DBT: variants seen among roughly 807,000 people sequenced by gnomAD.
DBT encodes the protein dihydrolipoamide branched chain transacylase E2.
A neutral mutation model predicts 51.3 loss-of-function variants in DBT; 40 were observed. That is an observed-to-expected ratio of 0.78 (90% CI 0.61 to 1.02). The LOEUF (loss-of-function observed/expected upper bound fraction) is 1.02. Among genes scored for constraint, DBT ranks in the 50% least tolerant of loss-of-function variants. The pLI, the probability that DBT is intolerant of heterozygous loss-of-function variation, is 0.00. For missense variants in DBT, 510 were observed against 580.2 expected, an observed-to-expected ratio of 0.88 and a Z score of 1.24; for synonymous variants, 181 against 190.4, an observed-to-expected ratio of 0.95 and a Z score of 0.41.
At chr1:100,232,819 T>C (rs557009378) in intron 3 of DBT, among the ~76,000 whole-genome samples, 73 of 152,234 alleles carry the variant, frequency 4.8e-4, no homozygotes, top group Non-Finnish European at 7.6e-4. Flanking sequence ...ATGACAGAAA[T>C]AGCAAAAGGA....
At chr1:100,226,814 C>T (rs1490688608) in intron 4 of DBT, among the ~76,000 whole-genome samples, 1 of 152,144 alleles carries the variant, frequency 6.6e-6, no homozygotes, top group African/African-American at 2.4e-5. Context: ...TAATAGAACA[C>T]ATAGGAGCCA....
intron 10 of DBT, among the ~76,000 whole-genome samples, chr1:100,201,025 G>A (rs776843474): frequency 2.9e-4 from 44 of 152,122 alleles, no homozygotes; most frequent in Non-Finnish European, 4.4e-5. Context: ...ACAACTCCTC[G>A]CCAGCAAGGG....
rs1014236603 is a variant in DBT, at chr1:100,191,364, C to T, written c.*4891G>A. 42 of 152,140 alleles carry T rather than the reference C, an allele frequency of 2.8e-4. No homozygotes were observed. Among genetic ancestry groups the T allele is most frequent in the African/African-American group, 1.0e-3 (42 of 41,440 alleles). 9.4% of individuals were successfully genotyped at this position (152,140 alleles called of 1,614,324 possible). On this transcript the variant is annotated 3_prime_UTR_variant, in exon 11 of 11. Transcript: ENST00000370132. The stretch of plus-strand genomic sequence containing the variant: ...TATAAAATCTTGGAATTGTAACAAA[C>T]AGCTTCACAGTTTAATAGTATCTTA...
chr1:100,247,475 G>C (rs902400364), intron 1 of DBT, among the ~76,000 whole-genome samples: 1 of 152,124 alleles, frequency 6.6e-6, no homozygotes, highest in African/African-American at 2.4e-5. Context: ...AAGGCAGGAG[G>C]ATCACCTGAG....
intron 9 of DBT, 69 bp from the exon 10 acceptor site, chr1:100,206,370 ACTTTT>A: frequency 6.4e-7 from 1 of 1,562,348 alleles, no homozygotes; most frequent in Non-Finnish European, 8.8e-7. Context: ...ATGCCAAGTG[ACTTTT>A]CTATTTTTAA....
intron 4 of DBT, among the ~76,000 whole-genome samples, chr1:100,229,645 T>C (rs1663423761): frequency 6.6e-6 from 1 of 152,254 alleles, no homozygotes; most frequent in Non-Finnish European, 1.5e-5. Context: ...TGTAATTCAA[T>C]TAGACTTCTG....
At chr1:100,206,009 T>C (rs1168478920) in intron 10 of DBT, among the ~76,000 whole-genome samples, 1 of 148,962 alleles carries the variant, frequency 6.7e-6, no homozygotes, top group East Asian at 2.0e-4. Context: ...CAAACCACCA[T>C]GGCAGGTGTA....
chr1:100,211,461 T>C (rs957181241), intron 7 of DBT, among the ~76,000 whole-genome samples: 1 of 152,230 alleles, frequency 6.6e-6, no homozygotes, highest in Admixed American at 6.5e-5. Context: ...GTGGTGGCCA[T>C]GCATTGTATT....
At chr1:100,197,195 C>T (rs531014670) in intron 10 of DBT, 1 of 152,520 alleles carries the variant, frequency 6.6e-6, no homozygotes, top group Non-Finnish European at 1.5e-5. Context: ...AAGCTCTACT[C>T]TCTTTTTCTA....
rs2101813867 is a variant in DBT at position 100,189,714 on chromosome 1, A to T, written c.*6541T>A. 6.6e-6 allele frequency: 1 copy of T among 152,340 alleles called. No individual in the cohort carries two copies. The highest frequency in any genetic ancestry group is 2.4e-5 in the African/African-American group (1 of 41,586). The allele number at this position is 152,340 out of a possible 1,614,324, so 9.4% of individuals were successfully genotyped here. A position where few individuals can be genotyped will look rare whatever the true frequency, so the allele number is the denominator to read the frequency against. Reference sequence around the variant, plus strand: ...TATTCATTTAGTGGCAGTCAGAGGTAACAATATAAGAAAAGCATTCTGAGT... The same window carrying T: ...TATTCATTTAGTGGCAGTCAGAGGTTACAATATAAGAAAAGCATTCTGAGT... On this transcript the variant is annotated 3_prime_UTR_variant, in exon 11 of 11. Transcript: ENST00000370132.
chr1:100,217,898 T>C (rs1487879028), intron 5 of DBT, among the ~76,000 whole-genome samples: 1 of 151,714 alleles, frequency 6.6e-6, no homozygotes, highest in Non-Finnish European at 1.5e-5. Flanking sequence ...TGATATAGAC[T>C]CACTTTTGAA....
Position 100,241,017 on chromosome 1 carries a change from T to A in DBT, c.52-133A>T, listed in dbSNP as rs1419481097. 47 of 940,894 alleles carry A rather than the reference T, an allele frequency of 5.0e-5. No homozygotes were observed. In the East Asian group the frequency reaches 1.2e-3, roughly 23 times the overall value. 58.3% of individuals were successfully genotyped at this position (940,894 alleles called of 1,614,324 possible). A position where few individuals can be genotyped will look rare whatever the true frequency, so the allele number is the denominator to read the frequency against. On this transcript the variant is annotated intron_variant, in intron 1 of 10. Coordinates refer to ENST00000370132, the MANE Select transcript of DBT (RefSeq NM_001918.5). ...CAATAGAAATATTATATCCTTAGAT[T>A]TAGATTTGTTACATTTATGATCCTT... is the stretch of plus-strand genomic sequence containing the variant.
In DBT at chr1:100,190,379, T is replaced by G. The variant is rs1292701645; in HGVS notation, c.*5876A>C. 2.0e-5 allele frequency: 3 copies of G among 152,222 alleles called. No homozygotes were observed. Among genetic ancestry groups the G allele is most frequent in the African/African-American group, 2.4e-5 (1 of 41,448 alleles). 9.4% of individuals were successfully genotyped at this position (152,222 alleles called of 1,614,324 possible). ...TACTTCAACCCATATACCCATATTC[T>G]AATAGTTACAAATAAATGACATGGC... On this transcript the variant is annotated 3_prime_UTR_variant, in exon 11 of 11. Transcript: ENST00000370132.
At chr1:100,236,549 C>G (rs1663880369) in intron 2 of DBT, among the ~76,000 whole-genome samples, 1 of 152,058 alleles carries the variant, frequency 6.6e-6, no homozygotes, top group Non-Finnish European at 1.5e-5. Flanking sequence ...GTATTAGGTA[C>G]CTCTTACTTC....
intron 10 of DBT, among the ~76,000 whole-genome samples, chr1:100,203,719 C>T (rs1484138043): frequency 6.6e-6 from 1 of 152,172 alleles, no homozygotes; most frequent in Admixed American, 6.5e-5. Flanking sequence ...ACTGGCAAAC[C>T]GAATCCAGCA....
At chr1:100,235,989 G>T (rs541255025) in intron 2 of DBT, among the ~76,000 whole-genome samples, 1 of 152,184 alleles carries the variant, frequency 6.6e-6, no homozygotes, top group East Asian at 1.9e-4. Flanking sequence ...TAGCAAACTT[G>T]ATGGAAACTT....
chr1:100,212,760 C>G (rs1458277979), intron 7 of DBT, among the ~76,000 whole-genome samples: 1 of 152,064 alleles, frequency 6.6e-6, no homozygotes. Flanking sequence ...GGTGTTTGAT[C>G]GAGAAGAACG....
In DBT at chr1:100,201,166, G is replaced by C. The variant is rs528100772; in HGVS notation, c.1282-4744C>G. Among the ~76,000 whole-genome samples the C allele has an allele frequency of 3.9e-5, 6 of 152,254 alleles. No homozygotes were observed. In the East Asian group the frequency reaches 1.2e-3, roughly 29 times the overall value. On this transcript the variant is annotated intron_variant, in intron 10 of 10. Coordinates refer to ENST00000370132, the MANE Select transcript of DBT (RefSeq NM_001918.5). The stretch of plus-strand genomic sequence containing the variant: ...AGCTAGGAACCTTGATAAAAGGTTA[G>C]AGGAATTGCTAACTAGAATAACCAG...
intron 4 of DBT, among the ~76,000 whole-genome samples, chr1:100,222,125 A>G (rs1369246495): frequency 6.6e-6 from 1 of 152,236 alleles, no homozygotes; most frequent in African/African-American, 2.4e-5. Flanking sequence ...AATCAATTTA[A>G]TCTACAATAG....
Sources: allele counts gnomAD v4.1 joint callset (sites outside exome capture counted in the v4.1 genomes callset), GRCh38; gene constraint gnomAD v4.1.1; transcripts MANE v1.5; gene names NCBI Gene and HGNC (gene_info 2026-07-23, HGNC 2026-07-21).